The following PIP5K1B variants were observed in gnomAD, a reference collection of about 807,000 sequenced individuals.
The protein encoded by PIP5K1B is phosphatidylinositol 4-phosphate 5-kinase type-1 beta.
A neutral mutation model predicts 67.0 loss-of-function variants in PIP5K1B; 42 were observed. That is an observed-to-expected ratio of 0.63 (90% CI 0.49 to 0.81). The LOEUF (loss-of-function observed/expected upper bound fraction) is 0.81, where lower values mean the gene tolerates loss of function less well. Ranked by LOEUF, PIP5K1B falls within the 30% of genes least tolerant of loss-of-function variation. The pLI, the probability that PIP5K1B is intolerant of heterozygous loss-of-function variation, is 0.00. For missense variants in PIP5K1B, 459 were observed against 646.3 expected, an observed-to-expected ratio of 0.71 and a Z score of 3.14; for synonymous variants, 214 against 231.4, an observed-to-expected ratio of 0.92 and a Z score of 0.68.
At chr9:68,812,443 C>A (rs1481972819) in intron 2 of PIP5K1B, among the ~76,000 whole-genome samples, 2 of 152,200 alleles carry the variant, frequency 1.3e-5, no homozygotes, top group Non-Finnish European at 2.9e-5. Flanking sequence ...AAAAAAAAGT[C>A]ATTGTCTGGC....
intron 2 of PIP5K1B, among the ~76,000 whole-genome samples, chr9:68,796,009 T>C (rs1184597312): frequency 1.3e-5 from 2 of 152,194 alleles, no homozygotes; most frequent in African/African-American, 4.8e-5. Context: ...ATTTTAGAAA[T>C]TGTAGAAAGT....
rs1374973399 is a variant in PIP5K1B at position 68,947,071 on chromosome 9, C to G, written c.1502+6281C>G. Among the ~76,000 whole-genome samples the G allele has an allele frequency of 2.0e-5, 3 of 152,350 alleles. No homozygotes were observed. The East Asian group carries it at 5.8e-4, about 29-fold the overall frequency. ...CCTTGCAGCTGCCGCATAAGTCTCA[C>G]TGTAAAGGGCATGATGTTTTTGACA... is the stretch of plus-strand genomic sequence containing the variant. On this transcript the variant is annotated intron_variant, in intron 14 of 15. Coordinates refer to ENST00000265382, the MANE Select transcript of PIP5K1B (RefSeq NM_003558.4).
chr9:68,918,223 G>A (rs1305785854), intron 9 of PIP5K1B, among the ~76,000 whole-genome samples: 2 of 151,564 alleles, frequency 1.3e-5, no homozygotes, highest in African/African-American at 4.8e-5. Context: ...CAAAGTAGCT[G>A]GAATTACAAA....
intron 3 of PIP5K1B, chr9:68,822,306 G>A: frequency 4.8e-6 from 1 of 206,246 alleles, no homozygotes; most frequent in Non-Finnish European, 9.7e-6. Context: ...CAGCCTGGGT[G>A]ATAGAGTGAA....
intron 14 of PIP5K1B, among the ~76,000 whole-genome samples, chr9:68,989,497 G>A (rs2132945925): frequency 6.6e-6 from 1 of 151,444 alleles, no homozygotes; most frequent in Middle Eastern, 3.4e-3. Flanking sequence ...CCAATGGCCA[G>A]CCTTCTGCCA....
chr9:68,924,981 A>G (rs1826613002), intron 12 of PIP5K1B, among the ~76,000 whole-genome samples: 1 of 152,220 alleles, frequency 6.6e-6, no homozygotes, highest in Admixed American at 6.5e-5. Context: ...ATAATGGTAC[A>G]CAATTTTAGG....
chr9:68,817,712 CTTT>C (rs1156788129), intron 2 of PIP5K1B, among the ~76,000 whole-genome samples: 4 of 93,624 alleles, frequency 4.3e-5, no homozygotes, highest in Admixed American at 1.2e-4. Context: ...AGACCTCATT[CTTT>C]TTTTTTTTTT....
intron 2 of PIP5K1B, among the ~76,000 whole-genome samples, chr9:68,761,479 G>A (rs1830182008): frequency 1.3e-5 from 2 of 152,026 alleles, no homozygotes; most frequent in South Asian, 4.1e-4. Context: ...CAGAATTAGT[G>A]GCTTAAAACA....
rs376788848 is a variant in PIP5K1B, at chr9:68,993,119, G to A, written c.1620+1862G>A. Among the ~76,000 whole-genome samples, 46 of 151,682 alleles carry A rather than the reference G, an allele frequency of 3.0e-4. 1 individual carries two copies. In the East Asian group the frequency reaches 7.6e-3, roughly 25 times the overall value. Reference sequence around the variant, plus strand: ...GGAGCTTGCGGTGAGCCGAGATCACGCCACTGCACTCCAGCCTGGGCGACA... The same window carrying A: ...GGAGCTTGCGGTGAGCCGAGATCACACCACTGCACTCCAGCCTGGGCGACA... On this transcript the variant is annotated intron_variant, in intron 15 of 15. Transcript: ENST00000265382.
At chr9:68,827,835 G>A (rs1249915543) in intron 4 of PIP5K1B, among the ~76,000 whole-genome samples, 3 of 152,192 alleles carry the variant, frequency 2.0e-5, no homozygotes, top group African/African-American at 7.2e-5. Flanking sequence ...AGACCTAAAA[G>A]GAAGCAGGAG....
At position 68,732,766 on chromosome 9, in the gene PIP5K1B, G is replaced by C. The variant is rs562437641; in HGVS notation, c.-242-9735G>C. Among the ~76,000 whole-genome samples, 6 of 152,262 alleles carry C rather than the reference G, an allele frequency of 3.9e-5. No individual in the cohort carries two copies. The South Asian group carries it at 1.0e-3, about 26-fold the overall frequency. On this transcript the variant is annotated intron_variant, in intron 1 of 15. Coordinates refer to ENST00000265382, the MANE Select transcript of PIP5K1B (RefSeq NM_003558.4). ...GCAGTTGACATGACAGAAATGGCAA[G>C]AACACAGTGGAGTAGAAAGGTCTGC... is the stretch of plus-strand genomic sequence containing the variant.
chr9:68,899,702 A>G (rs1391634113), intron 8 of PIP5K1B, among the ~76,000 whole-genome samples: 1 of 152,242 alleles, frequency 6.6e-6, no homozygotes, highest in Non-Finnish European at 1.5e-5. Flanking sequence ...ACAAAAGTAC[A>G]TTTATATTGC....
At chr9:68,724,737 AC>A (rs1327453909) in intron 1 of PIP5K1B, among the ~76,000 whole-genome samples, 3 of 152,036 alleles carry the variant, frequency 2.0e-5, no homozygotes, top group Non-Finnish European at 4.4e-5. Flanking sequence ...ATCACTGTTC[AC>A]ATATAAAAAC....
In PIP5K1B at chr9:68,946,071, G is replaced by A. The variant is rs76858923; in HGVS notation, c.1502+5281G>A. Among the ~76,000 whole-genome samples the A allele has an allele frequency of 6.0e-3, 906 of 152,208 alleles. 7 individuals carry two copies. Among genetic ancestry groups the A allele is most frequent in the African/African-American group, 0.021 (861 of 41,522 alleles). ...GACTCCAAATCACTACGTAATCATC[G>A]AGAAAAGACTTTTATTAGATATGTT... On this transcript the variant is annotated intron_variant, in intron 14 of 15. Transcript: ENST00000265382.
intron 8 of PIP5K1B, among the ~76,000 whole-genome samples, chr9:68,906,544 A>T (rs1032916148): frequency 1.2e-4 from 18 of 152,342 alleles, no homozygotes; most frequent in African/African-American, 4.1e-4. Context: ...TACATCAGAA[A>T]TGTGTTTTAA....
intron 3 of PIP5K1B, among the ~76,000 whole-genome samples, chr9:68,821,540 T>A (rs1008212227): frequency 6.6e-6 from 1 of 152,216 alleles, no homozygotes; most frequent in Admixed American, 6.5e-5. Flanking sequence ...CTTTTACCTG[T>A]CAGATTAGCA....
At chr9:68,904,239 T>A (rs1825501663) in intron 8 of PIP5K1B, among the ~76,000 whole-genome samples, 2 of 152,206 alleles carry the variant, frequency 1.3e-5, no homozygotes, top group Admixed American at 1.3e-4. Context: ...GTAAGGCCAC[T>A]GAAATGAAAA....
At chr9:68,870,783 G>C (rs1823589625) in intron 5 of PIP5K1B, among the ~76,000 whole-genome samples, 1 of 152,186 alleles carries the variant, frequency 6.6e-6, no homozygotes, top group Non-Finnish European at 1.5e-5. Context: ...TTGAATACAA[G>C]TGAGGGCATT....
chr9:68,719,568 T>A (rs1827787081), intron 1 of PIP5K1B, among the ~76,000 whole-genome samples: 1 of 152,238 alleles, frequency 6.6e-6, no homozygotes, highest in Non-Finnish European at 1.5e-5. Flanking sequence ...CAAGCTGTAT[T>A]TAAATGATGC....
Sources: gnomAD v4.1 joint callset for allele counts (sites outside exome capture counted in the v4.1 genomes callset) on GRCh38, gnomAD v4.1.1 for gene constraint, MANE v1.5 for transcripts, NCBI Gene and HGNC (gene_info 2026-07-23, HGNC 2026-07-21) for gene names.